The following PRKN variants were observed in gnomAD, a reference collection of about 807,000 sequenced individuals.
PRKN encodes parkin RBR E3 ubiquitin protein ligase, also known as E3 ubiquitin-protein ligase parkin.
Under a neutral mutation model 59.5 loss-of-function variants are expected in PRKN, and 56 were observed. That is an observed-to-expected ratio of 0.94 (90% confidence interval 0.76 to 1.18). The LOEUF is 1.18. PRKN is among the 50% of genes most tolerant of loss of function. The pLI is 0.00. For synonymous variants in PRKN, 250 were observed against 222.1 expected, an observed-to-expected ratio of 1.13 and a Z score of -1.12; for missense variants, 657 against 596.4, an observed-to-expected ratio of 1.10 and a Z score of -1.06.
In PRKN at chr6:162,371,383, C is replaced by T. The variant is rs111298622; in HGVS notation, c.171+71927G>A. Reference sequence around the variant, plus strand: ...TCACAGCCGCCCTCATGCAGCTTTGCGAGTTCTGACTGCCAACACACACAG... The same window carrying T: ...TCACAGCCGCCCTCATGCAGCTTTGTGAGTTCTGACTGCCAACACACACAG... On this transcript the variant is annotated intron_variant, in intron 2 of 11. Coordinates refer to ENST00000366898, the MANE Select transcript of PRKN (RefSeq NM_004562.3). Among the ~76,000 whole-genome samples the T allele has an allele frequency of 6.3e-3, 962 of 152,230 alleles. 6 individuals carry two copies. The highest frequency in any genetic ancestry group is 7.4e-3 in the Non-Finnish European group (505 of 68,006).
chr6:161,872,268 T>C (rs1024524691), intron 6 of PRKN, among the ~76,000 whole-genome samples: 1 of 152,100 alleles, frequency 6.6e-6, no homozygotes, highest in Non-Finnish European at 1.5e-5. Context: ...AGATGTCTCC[T>C]GCACAGATTC....
At chr6:162,307,512 G>C (rs557773500) in intron 2 of PRKN, among the ~76,000 whole-genome samples, 1 of 151,850 alleles carries the variant, frequency 6.6e-6, no homozygotes, top group East Asian at 1.9e-4. Context: ...GTGCATATAT[G>C]GGAAAAATGA....
At chr6:161,494,236 A>G (rs758019794) in intron 9 of PRKN, among the ~76,000 whole-genome samples, 2 of 152,198 alleles carry the variant, frequency 1.3e-5, no homozygotes, top group Non-Finnish European at 2.9e-5. Flanking sequence ...AAAATACCGT[A>G]TCATCAGGAC....
At chr6:161,740,000 C>A (rs1788122024) in intron 7 of PRKN, among the ~76,000 whole-genome samples, 1 of 152,152 alleles carries the variant, frequency 6.6e-6, no homozygotes, top group Non-Finnish European at 1.5e-5. Context: ...GGTGATCTGC[C>A]CAGCTCGTCC....
intron 2 of PRKN, among the ~76,000 whole-genome samples, chr6:162,350,006 A>T (rs1784559639): frequency 6.6e-6 from 1 of 152,228 alleles, no homozygotes; most frequent in African/African-American, 2.4e-5. Flanking sequence ...CCAAGTTGGA[A>T]GAGAATAAGC....
Position 161,823,868 on chromosome 6 carries a change from C to T in PRKN, c.735-37960G>A, listed in dbSNP as rs116243899. On this transcript the variant is annotated intron_variant, in intron 6 of 11. Transcript: ENST00000366898. ...AAGGTGATCACATGGCTATGTATTCCCCAAAATTTAAGAAGATATTTTCAC... is the reference window on the plus strand; with the variant it reads ...AAGGTGATCACATGGCTATGTATTCTCCAAAATTTAAGAAGATATTTTCAC... Among the ~76,000 whole-genome samples, 1,287 of 152,194 alleles carry T rather than the reference C, an allele frequency of 8.5e-3. 20 individuals carry two copies. The highest frequency in any genetic ancestry group is 0.03 in the African/African-American group (1,227 of 41,528).
chr6:161,682,155 G>A (rs765946752), intron 7 of PRKN, among the ~76,000 whole-genome samples: 6 of 152,222 alleles, frequency 3.9e-5, no homozygotes, highest in Non-Finnish European at 7.3e-5. Context: ...TCCACAGGGA[G>A]GGCTGCCCAA....
intron 1 of PRKN, among the ~76,000 whole-genome samples, chr6:162,503,124 T>C (rs1034077632): frequency 3.4e-5 from 5 of 147,828 alleles, no homozygotes; most frequent in Admixed American, 6.8e-5. Context: ...CTACAGAAAA[T>C]AGTCTTCATT....
intron 2 of PRKN, among the ~76,000 whole-genome samples, chr6:162,391,766 T>A (rs1787209508): frequency 6.6e-6 from 1 of 152,232 alleles, no homozygotes; most frequent in Admixed American, 6.5e-5. Flanking sequence ...ACAGCCCTCC[T>A]GGCATTCTGC....
rs146720247 is a variant in PRKN at position 161,579,017 on chromosome 6, G to T, written c.872-9601C>A. Among the ~76,000 whole-genome samples, 1 of 152,172 alleles carries T rather than the reference G, an allele frequency of 6.6e-6. No homozygotes were observed. Among genetic ancestry groups the T allele is most frequent in the Non-Finnish European group, 1.5e-5 (1 of 68,032 alleles). ...TCAGATCACAAATTTAATTTGGCTGGTCAACACATGAGTGGCCACTGGGAA... is the reference window on the plus strand; with the variant it reads ...TCAGATCACAAATTTAATTTGGCTGTTCAACACATGAGTGGCCACTGGGAA... On this transcript the variant is annotated intron_variant, in intron 7 of 11. Coordinates refer to ENST00000366898, the MANE Select transcript of PRKN (RefSeq NM_004562.3). This position sits in a 1 kb window ranked among gnomAD's most constrained non-coding sequence, Gnocchi z 4.2.
intron 2 of PRKN, among the ~76,000 whole-genome samples, chr6:162,274,511 T>C (rs1005010927): frequency 5.9e-5 from 9 of 152,062 alleles, no homozygotes; most frequent in Non-Finnish European, 1.2e-4. Flanking sequence ...TATTAAGACA[T>C]AACTAATATA....
chr6:161,963,998 T>A (rs1239611695), intron 6 of PRKN, among the ~76,000 whole-genome samples: 1 of 152,108 alleles, frequency 6.6e-6, no homozygotes, highest in Non-Finnish European at 1.5e-5. Flanking sequence ...CTTTTTCTTT[T>A]CTCTGAATCT....
chr6:161,966,499 T>C (rs999311002), intron 6 of PRKN, among the ~76,000 whole-genome samples: 2 of 152,204 alleles, frequency 1.3e-5, no homozygotes, highest in African/African-American at 4.8e-5. Flanking sequence ...GCCATTTTTA[T>C]ATGACTTAGG....
chr6:161,404,030 T>G (rs1477580882), intron 9 of PRKN, among the ~76,000 whole-genome samples: 1 of 152,180 alleles, frequency 6.6e-6, no homozygotes, highest in East Asian at 1.9e-4. Context: ...CAGAGATCAT[T>G]CTAGGGAGTA....
intron 1 of PRKN, among the ~76,000 whole-genome samples, chr6:162,577,327 C>T (rs1283315056): frequency 5.3e-5 from 8 of 152,198 alleles, no homozygotes; most frequent in East Asian, 1.9e-4. Context: ...GGGCCAGGCA[C>T]GGTGGCTCGT....
chr6:162,575,214 C>G (rs1365679680), intron 1 of PRKN, among the ~76,000 whole-genome samples: 2 of 152,158 alleles, frequency 1.3e-5, no homozygotes, highest in African/African-American at 4.8e-5. Flanking sequence ...TTCTGTCAGT[C>G]TTGGAGAAAG....
chr6:162,635,774 A>G (rs2128223449), intron 1 of PRKN, among the ~76,000 whole-genome samples: 1 of 152,298 alleles, frequency 6.6e-6, no homozygotes, highest in South Asian at 2.1e-4. Context: ...GATTCCACCA[A>G]TAATTGTACA....
chr6:161,370,170 G>A (rs1785381860), intron 10 of PRKN, among the ~76,000 whole-genome samples: 1 of 151,910 alleles, frequency 6.6e-6, no homozygotes, highest in African/African-American at 2.4e-5. Context: ...GAGGCAGGAG[G>A]AACACTTGAG....
intron 4 of PRKN, among the ~76,000 whole-genome samples, chr6:162,147,900 A>G (rs1782096697): frequency 6.6e-6 from 1 of 152,208 alleles, no homozygotes; most frequent in African/African-American, 2.4e-5. Context: ...ACTTATCAAT[A>G]AAGAAGTAAT....
Sources: gnomAD v4.1 joint callset for allele counts (sites outside exome capture counted in the v4.1 genomes callset) on GRCh38, gnomAD v4.1.1 for gene constraint, Gnocchi (gnomAD v3.1) non-coding constraint, MANE v1.5 for transcripts, NCBI Gene and HGNC (gene_info 2026-07-23, HGNC 2026-07-21) for gene names.